The following TRIM14 variants were observed in gnomAD, a reference collection of about 807,000 sequenced individuals.
TRIM14 encodes the protein tripartite motif containing 14, also known as tripartite motif-containing protein 14.
In TRIM14, 28 loss-of-function variants were observed where a neutral mutation model predicts 44.5. The observed-to-expected ratio is 0.63, with a 90% CI of 0.47 to 0.86. TRIM14 has a LOEUF of 0.86. TRIM14 is among the 40% of genes least tolerant of loss of function. The pLI is 0.00. For missense variants in TRIM14, 607 were observed against 611.1 expected, an observed-to-expected ratio of 0.99 and a Z score of 0.07; for synonymous variants, 299 against 269.2, an observed-to-expected ratio of 1.11 and a Z score of -1.08.
downstream of TRIM14, among the ~76,000 whole-genome samples, chr9:98,064,507 C>G (rs866664509): frequency 2.0e-5 from 3 of 152,050 alleles, no homozygotes; most frequent in Non-Finnish European, 4.4e-5. Context: ...CCGCCTGCCT[C>G]GGCCTCCCAA....
At chr9:98,111,886 C>G (rs1374407412) in intron 1 of TRIM14, among the ~76,000 whole-genome samples, 7 of 152,108 alleles carry the variant, frequency 4.6e-5, no homozygotes, top group African/African-American at 1.7e-4. Context: ...TGCAGTGAGC[C>G]AAGATCACAC....
the TRIM14 span, among the ~76,000 whole-genome samples, chr9:98,054,696 G>A: frequency 6.6e-6 from 1 of 152,192 alleles, no homozygotes; most frequent in Non-Finnish European, 1.5e-5. Flanking sequence ...TATTGGGCTA[G>A]TAGTGCCCTG....
At chr9:98,054,186 C>G in the TRIM14 span, among the ~76,000 whole-genome samples, 4 of 152,050 alleles carry the variant, frequency 2.6e-5, no homozygotes, top group African/African-American at 9.7e-5. Flanking sequence ...AGAGGGTTTT[C>G]TGAGTTAGGC....
At chr9:98,092,765 G>A (rs1444242326) in intron 4 of TRIM14, among the ~76,000 whole-genome samples, 2 of 152,196 alleles carry the variant, frequency 1.3e-5, no homozygotes, top group Non-Finnish European at 2.9e-5. Context: ...TTCAAATTAG[G>A]CGAACGCCGA....
the TRIM14 span, among the ~76,000 whole-genome samples, chr9:98,046,664 C>A: frequency 4.6e-5 from 7 of 152,144 alleles, no homozygotes; most frequent in Non-Finnish European, 7.3e-5. Flanking sequence ...TGATCTTGAA[C>A]TCCTGACCTT....
At chr9:98,067,016 G>A (rs961032975), downstream of TRIM14, among the ~76,000 whole-genome samples, 3 of 152,150 alleles carry the variant, frequency 2.0e-5, no homozygotes, top group Non-Finnish European at 2.9e-5. Context: ...CATACAATAT[G>A]TGGTCCTTCG....
At chr9:98,074,343 C>A (rs1231754793) in intron 6 of TRIM14, among the ~76,000 whole-genome samples, 2 of 152,022 alleles carry the variant, frequency 1.3e-5, no homozygotes, top group Non-Finnish European at 2.9e-5. Context: ...CTGAGGCTGC[C>A]GGGCTGCATG....
At chr9:98,038,591 T>C in the TRIM14 span, among the ~76,000 whole-genome samples, 1 of 152,348 alleles carries the variant, frequency 6.6e-6, no homozygotes, top group Non-Finnish European at 1.5e-5. Context: ...TATTTTTAAA[T>C]GTGATTTCTC....
chr9:98,066,876 T>C (rs2417726), downstream of TRIM14, among the ~76,000 whole-genome samples: 93,468 of 152,026 alleles, frequency 0.61, 31,678 homozygotes, highest in African/African-American at 0.9. Context: ...ATCTTGAACT[T>C]CTAACCTCAG....
chr9:98,088,729 T>C (rs942349417), intron 5 of TRIM14, among the ~76,000 whole-genome samples: 2 of 152,222 alleles, frequency 1.3e-5, no homozygotes, highest in East Asian at 3.8e-4. Context: ...CTAATACAAT[T>C]ACATTTTTAC....
rs1194473705 is a variant in TRIM14 at position 98,085,276 on chromosome 9, G to A, written c.*2194C>T. On this transcript the variant is annotated 3_prime_UTR_variant, in exon 6 of 6. Transcript: ENST00000341469. ...CATTCACCCTGAGCAGTAGGGCCTGGTGGCCATGAGCACAGACCTGGAACT... is the reference window on the plus strand; with the variant it reads ...CATTCACCCTGAGCAGTAGGGCCTGATGGCCATGAGCACAGACCTGGAACT... 1 of 152,266 alleles carries A rather than the reference G, an allele frequency of 6.6e-6. No homozygotes were observed. The highest frequency in any genetic ancestry group is 1.5e-5 in the Non-Finnish European group (1 of 68,098). 9.4% of individuals were successfully genotyped at this position (152,266 alleles called of 1,614,324 possible). A position where few individuals can be genotyped will look rare whatever the true frequency, so the allele number is the denominator to read the frequency against.
the TRIM14 span, among the ~76,000 whole-genome samples, chr9:98,052,487 T>TA: frequency 7.5e-6 from 1 of 133,124 alleles, no homozygotes; most frequent in African/African-American, 3.4e-5. Context: ...CTCTTTTTTC[T>TA]TAAAAAAAAA....
In TRIM14 at chr9:98,103,836, CA is replaced by C. The variant is rs60368742; in HGVS notation, c.304-3673del. 2.2e-3 allele frequency among the ~76,000 whole-genome samples: 164 copies of C among 74,582 alleles called. 1 individual carries two copies. Among genetic ancestry groups the C allele is most frequent in the Middle Eastern group, 9.1e-3 (1 of 110 alleles). The allele number at this position is 74,582 out of a possible 152,430, so 48.9% of individuals were successfully genotyped here. On this transcript the variant is annotated intron_variant, in intron 2 of 5. Transcript: ENST00000341469. ...CTGGCAACAGAGCGAGACTCCGTCT[CA>C]AAAAAAAAAAAAAAAAAAATTAAAC...
At chr9:98,056,701 G>C in the TRIM14 span, 2 of 1,455,700 alleles carry the variant, frequency 1.4e-6, no homozygotes, top group Non-Finnish European at 1.8e-6. Context: ...TGACGTGGCG[G>C]GGCTGGCGTG....
chr9:98,049,717 A>G, the TRIM14 span, among the ~76,000 whole-genome samples: 3 of 152,034 alleles, frequency 2.0e-5, no homozygotes, highest in Non-Finnish European at 4.4e-5. Flanking sequence ...TTTTATCAGC[A>G]AGGCCTTTGT....
chr9:98,096,975 C>T (rs532383223), intron 3 of TRIM14, among the ~76,000 whole-genome samples: 134 of 152,322 alleles, frequency 8.8e-4, no homozygotes, highest in Admixed American at 1.5e-3. Context: ...GGGCAGATCA[C>T]TTGAGGTCAA....
At chr9:98,116,722 T>C (rs190316726) in intron 1 of TRIM14, among the ~76,000 whole-genome samples, 1 of 151,866 alleles carries the variant, frequency 6.6e-6, no homozygotes, top group Non-Finnish European at 1.5e-5. Flanking sequence ...TGCATACCTA[T>C]AGTCCCAGCT....
At chr9:98,100,751 G>A (rs756352663) in intron 2 of TRIM14, among the ~76,000 whole-genome samples, 6 of 152,100 alleles carry the variant, frequency 3.9e-5, no homozygotes, top group Non-Finnish European at 7.4e-5. Context: ...ATATGGAAAT[G>A]TATGTATGTG....
intron 6 of TRIM14, among the ~76,000 whole-genome samples, chr9:98,072,903 G>A (rs897688966): frequency 2.6e-5 from 4 of 152,132 alleles, no homozygotes; most frequent in African/African-American, 7.2e-5. Context: ...GTTCTAGGGC[G>A]TTCTCTGTGT....
Sources: gnomAD v4.1 joint callset for allele counts (sites outside exome capture counted in the v4.1 genomes callset) on GRCh38, gnomAD v4.1.1 for gene constraint, MANE v1.5 for transcripts, NCBI Gene and HGNC (gene_info 2026-07-23, HGNC 2026-07-21) for gene names.